SFTPC: variants seen among roughly 807,000 people sequenced by gnomAD.
SFTPC encodes the protein surfactant protein C.
A neutral mutation model predicts 19.9 loss-of-function variants in SFTPC; 12 were observed. The observed-to-expected ratio is 0.60, with a 90% CI of 0.39 to 0.98. The LOEUF is 0.98. SFTPC is among the 50% of genes least tolerant of loss of function. The probability of loss-of-function intolerance (pLI) is 0.00; values close to 1 mark genes in which losing one functional copy is unlikely to be tolerated. For synonymous variants in SFTPC, 123 were observed against 103.3 expected (o/e 1.19, Z -1.16); for missense variants, 219 against 252.2 (o/e 0.87, Z 0.89).
chr8:22,164,390 T>C lies in SFTPC; in HGVS notation c.*143T>C. On this transcript the variant is annotated 3_prime_UTR_variant, in exon 6 of 6. Transcript: ENST00000679463. ...GACAAGCCCTGGAGAAATGGGAGCT[T>C]GGGGAGAGGATGGGAGTGGGCAGAG... The C allele has an allele frequency of 6.5e-7, 1 of 1,533,476 alleles. No individual in the cohort carries two copies. The allele number at this position is 1,533,476 out of a possible 1,614,324, so 95.0% of individuals were successfully genotyped here. A position where few individuals can be genotyped will look rare whatever the true frequency, so the allele number is the denominator to read the frequency against.
intron 1 of SFTPC, among the ~76,000 whole-genome samples, chr8:22,162,354 T>C (rs1160440952): frequency 6.6e-6 from 1 of 152,150 alleles, no homozygotes; most frequent in Non-Finnish European, 1.5e-5. Flanking sequence ...CCCTCAAAAC[T>C]AGACCCTGCT....
upstream of SFTPC, among the ~76,000 whole-genome samples, chr8:22,161,158 A>G (rs1451761054): frequency 6.6e-6 from 1 of 152,244 alleles, no homozygotes; most frequent in Admixed American, 6.5e-5. Flanking sequence ...CAGTGGGGAC[A>G]GAGTTTCCAG....
At chr8:22,161,197 T>C (rs1223085113), upstream of SFTPC, among the ~76,000 whole-genome samples, 6 of 152,040 alleles carry the variant, frequency 3.9e-5, no homozygotes, top group Admixed American at 2.0e-4. Context: ...TGGGGGCAAG[T>C]TTGAGGTTGG....
In SFTPC at chr8:22,162,654, G is replaced by T; in HGVS notation, c.123G>T (p.Val41=). Residue 41 remains valine, a synonymous_variant, in exon 2 of 6, where the codon GTG becomes GTT. Coordinates refer to ENST00000679463, the MANE Select transcript of SFTPC (RefSeq NM_001317778.2). The part of the protein sequence containing the change: ...VHLKRLLIVV[V]VVVLIVVVIV... Reference sequence around the variant, plus strand: ...TGAAACGCCTTCTTATCGTGGTGGTGGTGGTGGTCCTCATCGTCGTGGTGA... The same window carrying T: ...TGAAACGCCTTCTTATCGTGGTGGTTGTGGTGGTCCTCATCGTCGTGGTGA... 1 of 1,614,230 alleles carries T rather than the reference G, an allele frequency of 6.2e-7. No homozygotes were observed. The highest frequency in any genetic ancestry group is 8.5e-7 in the Non-Finnish European group (1 of 1,180,032).
upstream of SFTPC, among the ~76,000 whole-genome samples, chr8:22,160,637 A>AAACAG (rs1229932837): frequency 6.6e-6 from 1 of 151,900 alleles, no homozygotes. Flanking sequence ...AAACAAAACA[A>AAACAG]AAGGATAGGA....
chr8:22,163,940 G>C lies in SFTPC; in HGVS notation c.475G>C (p.Glu159Gln). Residue 159 changes from glutamate to glutamine, a missense_variant, in exon 5 of 6, where the codon GAG becomes CAG. Coordinates refer to ENST00000679463, the MANE Select transcript of SFTPC (RefSeq NM_001317778.2). ...AVPTSKLGQA[E>Q]GRDAGSAPSG... ...GCCTACGTCTAAGCTGGGCCAGGCA[G>C]AGGGGCGAGATGCAGGCTCAGCACC... is the stretch of plus-strand genomic sequence containing the variant. The C allele has an allele frequency of 6.2e-7, 1 of 1,613,814 alleles. No individual in the cohort carries two copies. The highest frequency in any genetic ancestry group is 8.5e-7 in the Non-Finnish European group (1 of 1,180,048).
At chr8:22,162,312 GGGAGA>G (rs1827770027) in intron 1 of SFTPC, among the ~76,000 whole-genome samples, 1 of 152,160 alleles carries the variant, frequency 6.6e-6, no homozygotes, top group Admixed American at 6.5e-5. Context: ...GGAAGCAGCA[GGGAGA>G]GACAGGTGAA....
chr8:22,161,673 C>T, upstream of SFTPC: 1 of 1,601,236 alleles, frequency 6.2e-7, no homozygotes, highest in East Asian at 2.2e-5. Flanking sequence ...GGCTTCGGTT[C>T]TGGAGGGCCA....
chr8:22,159,452 C>A, upstream of SFTPC: 1 of 318,194 alleles, frequency 3.1e-6, no homozygotes, highest in South Asian at 2.4e-5. Flanking sequence ...AGCTAAAGGT[C>A]CTTCTGTGTC....
upstream of SFTPC, chr8:22,159,878 A>G (rs1166852718): frequency 5.0e-6 from 6 of 1,193,412 alleles, no homozygotes; most frequent in African/African-American, 6.3e-5. Context: ...ATCAATCCCA[A>G]TGTTGCCAGG....
chr8:22,157,965 G>A (rs1172984065), upstream of SFTPC, among the ~76,000 whole-genome samples: 1 of 151,990 alleles, frequency 6.6e-6, no homozygotes, highest in African/African-American at 2.4e-5. Flanking sequence ...AAGCTCTTGG[G>A]GGTCCTCAAT....
At chr8:22,160,247 G>C (rs1269959504), upstream of SFTPC, among the ~76,000 whole-genome samples, 3 of 152,124 alleles carry the variant, frequency 2.0e-5, no homozygotes, top group African/African-American at 7.2e-5. Context: ...AGGGGAACCT[G>C]CCAGCTCATG....
chr8:22,160,318 T>C (rs1827666276), upstream of SFTPC, among the ~76,000 whole-genome samples: 1 of 152,038 alleles, frequency 6.6e-6, no homozygotes, highest in African/African-American at 2.4e-5. Flanking sequence ...TGGGGTGGCA[T>C]GTTAAAGGAC....
chr8:22,159,446 A>G, upstream of SFTPC: 1 of 310,040 alleles, frequency 3.2e-6, no homozygotes, highest in South Asian at 2.5e-5. Context: ...ACACCCAGCT[A>G]AAGGTCCTTC....
At chr8:22,158,449 G>A (rs913713936), upstream of SFTPC, among the ~76,000 whole-genome samples, 2 of 152,190 alleles carry the variant, frequency 1.3e-5, no homozygotes, top group African/African-American at 4.8e-5. Context: ...CCCTGCAGCT[G>A]AGGGGCTGGA....
upstream of SFTPC, among the ~76,000 whole-genome samples, chr8:22,160,689 C>T (rs150310467): frequency 3.9e-5 from 6 of 152,246 alleles, no homozygotes; most frequent in Middle Eastern, 3.4e-3. Flanking sequence ...GCCACAGTCA[C>T]CTGAGTTTAG....
chr8:22,160,527 C>G (rs1432238732), upstream of SFTPC, among the ~76,000 whole-genome samples: 1 of 152,192 alleles, frequency 6.6e-6, no homozygotes, highest in Non-Finnish European at 1.5e-5. Context: ...GTGAGGATCA[C>G]CGGAGTCCAG....
upstream of SFTPC, among the ~76,000 whole-genome samples, chr8:22,160,663 C>T (rs1030058287): frequency 1.3e-5 from 2 of 152,090 alleles, no homozygotes; most frequent in Admixed American, 1.3e-4. Context: ...AGGGAGCGAG[C>T]CCAGGCCTGG....
In SFTPC at chr8:22,162,625, C is replaced by T. The variant is rs192391655; in HGVS notation, c.94C>T (p.His32Tyr). 9.4e-5 allele frequency: 152 copies of T among 1,614,206 alleles called. No homozygotes were observed. Among genetic ancestry groups the T allele is most frequent in the Non-Finnish European group, 1.3e-4 (149 of 1,180,024 alleles). ...ATTTGGCATTCCCTGCTGCCCAGTG[C>T]ACCTGAAACGCCTTCTTATCGTGGT... is the stretch of plus-strand genomic sequence containing the variant. Reference protein sequence around the residue: ...GRFGIPCCPVHLKRLLIVVVV... With the variant: ...GRFGIPCCPVYLKRLLIVVVV... The change falls in exon 2 of 6, where the codon CAC (histidine) becomes TAC (tyrosine). Residue 32 changes from histidine (H) to tyrosine (Y), a missense_variant. By Grantham distance (83) the His-to-Tyr change is moderately conservative. Transcript: ENST00000679463.
Sources: gnomAD v4.1 joint callset for allele counts (sites outside exome capture counted in the v4.1 genomes callset) on GRCh38, gnomAD v4.1.1 for gene constraint, MANE v1.5 for transcripts, NCBI Gene and HGNC (gene_info 2026-07-23, HGNC 2026-07-21) for gene names.